SFSWAP: variants seen among roughly 807,000 people sequenced by gnomAD.
SFSWAP encodes splicing factor SWAP.
In SFSWAP, 17 loss-of-function variants were observed where a neutral mutation model predicts 100.7. The ratio of observed to expected loss-of-function variants is 0.17; its 90% CI spans 0.12 to 0.25. The LOEUF is 0.25. Ranked by LOEUF, SFSWAP falls within the 10% of genes least tolerant of loss-of-function variation. The probability of loss-of-function intolerance (pLI) is 1.00; values close to 1 mark genes in which losing one functional copy is unlikely to be tolerated. For missense variants in SFSWAP, 1,005 were observed against 1,262.6 expected (o/e 0.80, Z 3.09); for synonymous variants, 504 against 510.1 (o/e 0.99, Z 0.16).
chr12:131,777,459 C>A (rs1884117076), intron 13 of SFSWAP, among the ~76,000 whole-genome samples: 1 of 152,214 alleles, frequency 6.6e-6, no homozygotes, highest in Admixed American at 6.5e-5. Context: ...CATGTCCCTA[C>A]AAAGGACATG....
chr12:131,774,345 A>T (rs904156515), intron 13 of SFSWAP, among the ~76,000 whole-genome samples: 1 of 152,228 alleles, frequency 6.6e-6, no homozygotes, highest in Non-Finnish European at 1.5e-5. Flanking sequence ...GTTTTGCCAC[A>T]GTAGGAAATA....
chr12:131,771,033 T>G (rs991431435), intron 13 of SFSWAP, among the ~76,000 whole-genome samples: 5 of 152,224 alleles, frequency 3.3e-5, no homozygotes, highest in Admixed American at 3.3e-4. Flanking sequence ...TTTTTACAGT[T>G]GAATGGTGCT....
chr12:131,796,114 C>A (rs976289941), intron 15 of SFSWAP: 2 of 151,668 alleles, frequency 1.3e-5, no homozygotes, highest in African/African-American at 4.8e-5. Flanking sequence ...CATGCAAAGA[C>A]TCTCCAAGAA....
chr12:131,713,062 C>T lies in SFSWAP; in HGVS notation c.219-1009C>T, dbSNP rs537301124. The T allele has an allele frequency of 6.6e-5, 10 of 152,192 alleles. No homozygotes were observed. The South Asian group carries it at 1.7e-3, about 25-fold the overall frequency. The allele number at this position is 152,192 out of a possible 1,614,324, so 9.4% of individuals were successfully genotyped here. A position where few individuals can be genotyped will look rare whatever the true frequency, so the allele number is the denominator to read the frequency against. On this transcript the variant is annotated intron_variant, in intron 1 of 17. Transcript: ENST00000261674. ...TACCTTGGAATTTTGGGCCTTTTTC[C>T]TGTAAATGTCTTTTTTGGTCTACAT...
intron 4 of SFSWAP, among the ~76,000 whole-genome samples, chr12:131,723,050 G>A (rs1593113022): frequency 6.6e-6 from 1 of 152,348 alleles, no homozygotes; most frequent in East Asian, 1.9e-4. Flanking sequence ...TTACATGTGT[G>A]AGGGTCAGGC....
intron 14 of SFSWAP, among the ~76,000 whole-genome samples, chr12:131,783,288 A>G (rs952579820): frequency 4.6e-5 from 7 of 152,098 alleles, no homozygotes; most frequent in African/African-American, 1.7e-4. Flanking sequence ...AGAAGTACTC[A>G]TGTAGTTCAT....
chr12:131,771,001 C>T (rs1883546700), intron 13 of SFSWAP, among the ~76,000 whole-genome samples: 1 of 152,208 alleles, frequency 6.6e-6, no homozygotes, highest in South Asian at 2.1e-4. Context: ...AGCCATGCAG[C>T]AGCCGCATTG....
chr12:131,772,180 C>G (rs947695620), intron 13 of SFSWAP, among the ~76,000 whole-genome samples: 2 of 152,210 alleles, frequency 1.3e-5, no homozygotes, highest in African/African-American at 2.4e-5. Flanking sequence ...ACTATCGATG[C>G]AACGCATTCA....
chr12:131,716,401 C>T (rs1393014692), intron 3 of SFSWAP, among the ~76,000 whole-genome samples: 1 of 152,134 alleles, frequency 6.6e-6, no homozygotes, highest in African/African-American at 2.4e-5. Context: ...ACGTAAACAC[C>T]CATTTATTTA....
intron 13 of SFSWAP, 127 bp downstream of exon 13, chr12:131,766,435 C>T: frequency 1.2e-6 from 1 of 843,074 alleles, no homozygotes; most frequent in Non-Finnish European, 1.9e-6. Context: ...GCTCTTCCTC[C>T]CGACATGGTT....
rs200847126 is a variant in SFSWAP at position 131,754,401 on chromosome 12, G to C, written c.1356G>C (p.Pro452=). Residue 452 remains proline (P), a synonymous_variant, in exon 9 of 18, where the codon CCG becomes CCC. Coordinates refer to ENST00000261674, the MANE Select transcript of SFSWAP (RefSeq NM_004592.4). ...ALAPVAAIIP[P]PPDVQPVIDK... ...CCCCCGTGGCCGCCATCATCCCCCC[G>C]CCCCCCGACGTCCAGCCCGTGATTG... 4 of 1,563,694 alleles carry C rather than the reference G, an allele frequency of 2.6e-6. No individual in the cohort carries two copies. The highest frequency in any genetic ancestry group is 2.4e-5 in the East Asian group (1 of 42,434).
At position 131,756,572 on chromosome 12, in the gene SFSWAP, G is replaced by T. The variant is rs1318920899; in HGVS notation, c.1648G>T (p.Ala550Ser). Reference sequence around the variant, plus strand: ...GCCTGAAGACGCAGCCGAGGTGGGAGCACGGGCAGGCTCAGGCGGGAAGAA... The same window carrying T: ...GCCTGAAGACGCAGCCGAGGTGGGATCACGGGCAGGCTCAGGCGGGAAGAA... The part of the protein sequence containing the change: ...GAPEDAAEVG[A>S]RAGSGGKKEA... The change falls in exon 11 of 18, where the codon GCA (alanine) becomes TCA (serine). Residue 550 changes from alanine to serine, a missense_variant. Ala to Ser is a moderately conservative substitution (Grantham distance 99). This residue lies in a region of SFSWAP where 311 missense variants were observed against 317.8 expected (regional missense o/e 0.98). Coordinates refer to ENST00000261674, the MANE Select transcript of SFSWAP (RefSeq NM_004592.4). 3.1e-6 allele frequency: 5 copies of T among 1,613,802 alleles called. No homozygotes were observed. The highest frequency in any genetic ancestry group is 3.3e-5 in the Admixed American group (2 of 59,944).
At chr12:131,797,105 G>C in intron 15 of SFSWAP, 73 bp from the exon 16 acceptor site, 2 of 1,425,512 alleles carry the variant, frequency 1.4e-6, no homozygotes, top group South Asian at 1.2e-5. Flanking sequence ...AACTGGCTCA[G>C]ATCCGAGCTT....
chr12:131,713,943 T>C, intron 1 of SFSWAP, 128 bp from the exon 2 acceptor site: 2 of 534,938 alleles, frequency 3.7e-6, no homozygotes, highest in South Asian at 5.8e-5. Context: ...TATACTTGTT[T>C]TAATATTTTT....
chr12:131,782,500 G>A (rs576188855), intron 14 of SFSWAP, among the ~76,000 whole-genome samples: 4 of 152,298 alleles, frequency 2.6e-5, no homozygotes, highest in African/African-American at 4.8e-5. Flanking sequence ...AGAATGGATC[G>A]GACTTGTCAC....
At chr12:131,724,746 T>C (rs1423624804) in intron 4 of SFSWAP, among the ~76,000 whole-genome samples, 9 of 152,234 alleles carry the variant, frequency 5.9e-5, no homozygotes, top group Non-Finnish European at 1.2e-4. Context: ...GCTTTGATGC[T>C]GGGAAGAAAC....
intron 13 of SFSWAP, among the ~76,000 whole-genome samples, chr12:131,767,182 T>C (rs1166258630): frequency 6.7e-6 from 1 of 148,472 alleles, no homozygotes; most frequent in Non-Finnish European, 1.5e-5. Flanking sequence ...CACTGGCTCC[T>C]GTGCCAAGGG....
intron 13 of SFSWAP, among the ~76,000 whole-genome samples, chr12:131,770,979 T>A: frequency 6.6e-6 from 1 of 152,336 alleles, no homozygotes; most frequent in East Asian, 1.9e-4. Context: ...TAGCGTGGTA[T>A]CCTCTGGGTC....
intron 7 of SFSWAP, among the ~76,000 whole-genome samples, chr12:131,737,864 G>A (rs1419679453): frequency 1.3e-5 from 2 of 151,926 alleles, no homozygotes; most frequent in African/African-American, 2.4e-5. Context: ...ATTAAATATA[G>A]ATGTGTAAAA....
Sources: gnomAD v4.1 joint callset for allele counts (sites outside exome capture counted in the v4.1 genomes callset) on GRCh38, gnomAD v4.1.1 for gene constraint, gnomAD v4.1.1 regional missense constraint, MANE v1.5 for transcripts, NCBI Gene and HGNC (gene_info 2026-07-23, HGNC 2026-07-21) for gene names.